The following RAD51B variants were observed in gnomAD, a reference collection of about 807,000 sequenced individuals.
RAD51B encodes the protein RAD51 paralog B, also known as DNA repair protein RAD51 homolog 2.
Under a neutral mutation model 42.2 loss-of-function variants are expected in RAD51B, and 38 were observed. The ratio of observed to expected loss-of-function variants is 0.90; its 90% CI spans 0.70 to 1.18. The LOEUF is 1.18. Ranked by LOEUF, RAD51B falls within the 50% of genes most tolerant of loss-of-function variation. The probability of loss-of-function intolerance (pLI) is 0.00; values close to 1 mark genes in which losing one functional copy is unlikely to be tolerated. For missense variants in RAD51B, 373 were observed against 400.7 expected (o/e 0.93, Z 0.59); for synonymous variants, 154 against 145.2 (o/e 1.06, Z -0.43).
chr14:67,835,841 G>A (rs1481434045), intron 4 of RAD51B, among the ~76,000 whole-genome samples: 1 of 151,774 alleles, frequency 6.6e-6, no homozygotes, highest in Admixed American at 6.6e-5. Flanking sequence ...GGGTGACAGA[G>A]CAAGACCCTG....
At chr14:68,303,457 T>TAAAAA (rs58955054) in intron 8 of RAD51B, among the ~76,000 whole-genome samples, 24 of 138,600 alleles carry the variant, frequency 1.7e-4, no homozygotes, top group Non-Finnish European at 2.3e-4. Flanking sequence ...TAAAGTATAA[T>TAAAAA]AAAAAAAAAA....
chr14:68,251,324 C>G (rs965152973), intron 7 of RAD51B, among the ~76,000 whole-genome samples: 1 of 152,124 alleles, frequency 6.6e-6, no homozygotes, highest in East Asian at 1.9e-4. Flanking sequence ...CCTCGATGAG[C>G]CCCGGCCCAT....
intron 7 of RAD51B, among the ~76,000 whole-genome samples, chr14:68,058,740 A>G (rs995686105): frequency 6.6e-6 from 1 of 152,178 alleles, no homozygotes; most frequent in Admixed American, 6.5e-5. Context: ...CTTAGTGTAT[A>G]TATGTGAGAT....
At chr14:68,457,284 A>T (rs1479431754) in intron 9 of RAD51B, among the ~76,000 whole-genome samples, 2 of 152,148 alleles carry the variant, frequency 1.3e-5, no homozygotes, top group African/African-American at 2.4e-5. Context: ...ATTTAAAAAC[A>T]CACACAGACA....
intron 7 of RAD51B, among the ~76,000 whole-genome samples, chr14:68,211,102 C>T (rs1266136577): frequency 1.3e-5 from 2 of 152,208 alleles, no homozygotes; most frequent in African/African-American, 4.8e-5. Context: ...GAGGATGTTT[C>T]TCTGACTAAT....
intron 7 of RAD51B, among the ~76,000 whole-genome samples, chr14:67,999,881 A>G (rs1306328642): frequency 6.6e-6 from 1 of 152,094 alleles, no homozygotes; most frequent in East Asian, 1.9e-4. Context: ...AGGACATTCT[A>G]CTTTTAAGGA....
intron 10 of RAD51B, among the ~76,000 whole-genome samples, chr14:68,557,240 G>A (rs190245972): frequency 8.7e-4 from 133 of 152,298 alleles, no homozygotes; most frequent in Admixed American, 7.3e-3. Flanking sequence ...AATATTGTGA[G>A]TTGAAAATGC....
At chr14:68,151,651 A>G (rs1044983763) in intron 7 of RAD51B, among the ~76,000 whole-genome samples, 10 of 151,188 alleles carry the variant, frequency 6.6e-5, no homozygotes, top group Non-Finnish European at 1.2e-4. Flanking sequence ...CATAGTTTCT[A>G]TTGTTATGCC....
chr14:68,303,935 T>G (rs2081802834), intron 8 of RAD51B, among the ~76,000 whole-genome samples: 1 of 152,146 alleles, frequency 6.6e-6, no homozygotes. Context: ...TTTGGGAGGC[T>G]GAGGTGGGCA....
rs77095342 is a variant in RAD51B, at chr14:68,633,512, C to G, written c.1037-17269C>G. On this transcript the variant is annotated intron_variant, in intron 10 of 11. Transcript: ENST00000488612. ...GACAAGGCTGTAATTCAGCAAGGCT[C>G]CAGTGACATCCTGACCGTGAGAGTG... Among the ~76,000 whole-genome samples the G allele has an allele frequency of 9.5e-3, 1,440 of 152,272 alleles. 15 individuals are homozygous for G. Among genetic ancestry groups the G allele is most frequent in the Non-Finnish European group, 0.015 (1,035 of 68,016 alleles).
chr14:67,868,769 T>A (rs2140001241), intron 5 of RAD51B, among the ~76,000 whole-genome samples: 1 of 152,388 alleles, frequency 6.6e-6, no homozygotes, highest in East Asian at 1.9e-4. Context: ...CTCAAGTGGG[T>A]CCCTGACCCC....
intron 8 of RAD51B, among the ~76,000 whole-genome samples, chr14:68,400,908 C>G (rs1276060030): frequency 6.6e-6 from 1 of 150,418 alleles, no homozygotes; most frequent in Non-Finnish European, 1.5e-5. Flanking sequence ...TTTTTTTTTT[C>G]CTTTCCTTAA....
At chr14:68,140,920 G>A (rs1290612273) in intron 7 of RAD51B, among the ~76,000 whole-genome samples, 2 of 152,144 alleles carry the variant, frequency 1.3e-5, no homozygotes, top group African/African-American at 4.8e-5. Context: ...GGGCAAAGTG[G>A]CATTCTATAG....
At chr14:68,027,770 A>C (rs2075977569) in intron 7 of RAD51B, among the ~76,000 whole-genome samples, 1 of 152,110 alleles carries the variant, frequency 6.6e-6, no homozygotes, top group African/African-American at 2.4e-5. Flanking sequence ...TGAGGTTTCA[A>C]CTTTCTGCTG....
chr14:68,428,317 T>C (rs1021304941), intron 9 of RAD51B, among the ~76,000 whole-genome samples: 16 of 152,224 alleles, frequency 1.1e-4, no homozygotes, highest in Non-Finnish European at 2.2e-4. Flanking sequence ...AATCCTCTTC[T>C]AACTCTTCCA....
intron 7 of RAD51B, among the ~76,000 whole-genome samples, chr14:67,940,040 ATATATATATATATATTTTTTTTTTTTTT>A (rs2045116565): frequency 9.2e-5 from 1 of 10,812 alleles, no homozygotes; most frequent in African/African-American, 2.0e-4. Context: ...ATATATATAT[ATATATATATATATATTTTTTTTTTTTTT>A]TTTTTTTTTT....
At position 68,269,112 on chromosome 14, in the gene RAD51B, T is replaced by C. The variant is rs561842171; in HGVS notation, c.757-22772T>C. Among the ~76,000 whole-genome samples the C allele has an allele frequency of 1.1e-4, 17 of 152,320 alleles. No homozygotes were observed. The South Asian group carries it at 2.3e-3, about 20-fold the overall frequency. On this transcript the variant is annotated intron_variant, in intron 7 of 10. Coordinates refer to ENST00000471583, the MANE Select transcript of RAD51B (RefSeq NM_133510.4). ...AGAGCTTTGGTATATAATTTCTTTT[T>C]TCCCCCCAGCCAAGAGGAATTGAGC... is the stretch of plus-strand genomic sequence containing the variant.
intron 7 of RAD51B, among the ~76,000 whole-genome samples, chr14:68,217,352 A>C (rs2079837143): frequency 6.6e-6 from 1 of 152,170 alleles, no homozygotes; most frequent in Non-Finnish European, 1.5e-5. Flanking sequence ...AATCCTACGC[A>C]ATGTAAAGGC....
intron 7 of RAD51B, among the ~76,000 whole-genome samples, chr14:68,197,901 G>A (rs953708363): frequency 6.6e-6 from 1 of 151,990 alleles, no homozygotes; most frequent in Non-Finnish European, 1.5e-5. Context: ...TCAGATATAT[G>A]TACTATAACT....
Sources: gnomAD v4.1 joint callset for allele counts (sites outside exome capture counted in the v4.1 genomes callset) on GRCh38, gnomAD v4.1.1 for gene constraint, MANE v1.5 for transcripts, NCBI Gene and HGNC (gene_info 2026-07-23, HGNC 2026-07-21) for gene names.